Variants in LPP observed in about 807,000 individuals in gnomAD.
LPP encodes lipoma-preferred partner.
Under a neutral mutation model 60.4 loss-of-function variants are expected in LPP, and 38 were observed. The ratio of observed to expected loss-of-function variants is 0.63; its 90% CI spans 0.49 to 0.83. The LOEUF is 0.83. Ranked by LOEUF, LPP falls within the 40% of genes least tolerant of loss-of-function variation. The pLI, the probability that LPP is intolerant of heterozygous loss-of-function variation, is 0.00. For missense variants in LPP, 902 were observed against 783.6 expected (o/e 1.15, Z -1.80); for synonymous variants, 328 against 290.8 (o/e 1.13, Z -1.30).
chr3:188,344,290 A>G (rs1041379549), intron 3 of LPP, among the ~76,000 whole-genome samples: 68 of 152,350 alleles, frequency 4.5e-4, no homozygotes, highest in Non-Finnish European at 3.8e-4. Flanking sequence ...AAATAAAATT[A>G]ATCAGTTACC....
intron 9 of LPP, among the ~76,000 whole-genome samples, chr3:188,832,748 C>T (rs1757433914): frequency 6.6e-6 from 1 of 152,174 alleles, no homozygotes; most frequent in Non-Finnish European, 1.5e-5. Flanking sequence ...ACAGGGCAAC[C>T]ATGTGTGTAT....
At chr3:188,755,709 C>T (rs1261310329) in intron 8 of LPP, among the ~76,000 whole-genome samples, 1 of 150,854 alleles carries the variant, frequency 6.6e-6, no homozygotes, top group African/African-American at 2.4e-5. Flanking sequence ...GTGGCAAGGG[C>T]TGAGGGAGGA....
At chr3:188,684,767 A>G (rs1860304073) in intron 7 of LPP, among the ~76,000 whole-genome samples, 2 of 151,898 alleles carry the variant, frequency 1.3e-5, no homozygotes, top group South Asian at 4.1e-4. Flanking sequence ...TCTTTTTACT[A>G]GTTCTCTCCC....
At chr3:188,211,100 C>T in intron 1 of LPP, among the ~76,000 whole-genome samples, 1 of 152,038 alleles carries the variant, frequency 6.6e-6, no homozygotes, top group Non-Finnish European at 1.5e-5. Context: ...GTGTAATGAC[C>T]CTTTGGATAG....
chr3:188,428,743 G>A (rs990494511), intron 4 of LPP, among the ~76,000 whole-genome samples: 22 of 152,036 alleles, frequency 1.4e-4, no homozygotes, highest in Admixed American at 3.3e-4. Flanking sequence ...AACGCTTTCT[G>A]TCTTAAGGAA....
chr3:188,422,913 T>TG (rs1553893973), intron 4 of LPP, among the ~76,000 whole-genome samples: 21,644 of 133,754 alleles, frequency 0.16, 1,728 homozygotes, highest in Non-Finnish European at 0.2. Flanking sequence ...GGTGTCTTCT[T>TG]TGTGTGTGTG....
intron 2 of LPP, among the ~76,000 whole-genome samples, chr3:188,226,514 A>G (rs534213225): frequency 4.6e-5 from 7 of 152,316 alleles, no homozygotes; most frequent in African/African-American, 1.7e-4. Context: ...TAATGGGTAG[A>G]GTAGAACATT....
At chr3:188,271,890 G>A (rs1190168520) in intron 2 of LPP, among the ~76,000 whole-genome samples, 1 of 152,164 alleles carries the variant, frequency 6.6e-6, no homozygotes, top group East Asian at 1.9e-4. Flanking sequence ...GAAGGCCATA[G>A]TGGTTTAAGA....
intron 7 of LPP, among the ~76,000 whole-genome samples, chr3:188,617,274 T>C (rs995451405): frequency 2.0e-5 from 3 of 152,060 alleles, no homozygotes; most frequent in African/African-American, 4.8e-5. Context: ...GCCTGAAGAG[T>C]TACAGTGACT....
At chr3:188,338,476 T>A in intron 2 of LPP, among the ~76,000 whole-genome samples, 1 of 152,240 alleles carries the variant, frequency 6.6e-6, no homozygotes, top group Non-Finnish European at 1.5e-5. Context: ...ATGAAACTTA[T>A]GAAAATGACC....
chr3:188,297,902 G>A (rs1016821373), intron 2 of LPP, among the ~76,000 whole-genome samples: 2 of 152,198 alleles, frequency 1.3e-5, no homozygotes, highest in Non-Finnish European at 2.9e-5. Flanking sequence ...TAGAAATGTA[G>A]TAGCCATGAT....
Position 188,525,274 on chromosome 3 carries a change from T to C in LPP, c.429+487T>C, listed in dbSNP as rs533988984. 4.6e-5 allele frequency among the ~76,000 whole-genome samples: 7 copies of C among 152,290 alleles called. No individual in the cohort carries two copies. The East Asian group carries it at 1.4e-3, about 29-fold the overall frequency. ...GCCACCATGCCCGGCCCTTTTATTCTTTCTTGATCTTCTTAGAGTCAATGA... is the reference window on the plus strand; with the variant it reads ...GCCACCATGCCCGGCCCTTTTATTCCTTCTTGATCTTCTTAGAGTCAATGA... On this transcript the variant is annotated intron_variant, in intron 6 of 11. Transcript: ENST00000617246.
intron 8 of LPP, among the ~76,000 whole-genome samples, chr3:188,749,346 G>A (rs1178070800): frequency 6.6e-6 from 1 of 152,146 alleles, no homozygotes; most frequent in Non-Finnish European, 1.5e-5. Context: ...CTTAATCAAT[G>A]AATTGCCTCT....
At chr3:188,482,242 T>G (rs1804998713) in intron 4 of LPP, among the ~76,000 whole-genome samples, 1 of 152,208 alleles carries the variant, frequency 6.6e-6, no homozygotes, top group South Asian at 2.1e-4. Context: ...CTCTTCTTCT[T>G]TATAAATTGC....
chr3:188,851,058 A>G (rs1456227842), intron 9 of LPP, among the ~76,000 whole-genome samples: 2 of 152,226 alleles, frequency 1.3e-5, no homozygotes, highest in Non-Finnish European at 2.9e-5. Context: ...GAAAGCTCTA[A>G]CAATTAGACC....
chr3:188,201,654 G>A (rs564157512), intron 1 of LPP, among the ~76,000 whole-genome samples: 7 of 152,090 alleles, frequency 4.6e-5, no homozygotes, highest in Non-Finnish European at 7.4e-5. Context: ...TTGCAGTGAG[G>A]TGAGATCATA....
Position 188,532,991 on chromosome 3 carries a change from G to A in LPP, c.429+8204G>A, listed in dbSNP as rs563108713. Among the ~76,000 whole-genome samples the A allele has an allele frequency of 1.4e-4, 22 of 152,304 alleles. No homozygotes were observed. The South Asian group carries it at 4.3e-3, about 30-fold the overall frequency. Reference sequence around the variant, plus strand: ...TGGAAACTGAGTACTGAAATGCTGTGTGGTCATATGGACACATCGTTAGCT... The same window carrying A: ...TGGAAACTGAGTACTGAAATGCTGTATGGTCATATGGACACATCGTTAGCT... On this transcript the variant is annotated intron_variant, in intron 6 of 11. Coordinates refer to ENST00000617246, the MANE Select transcript of LPP (RefSeq NM_001375462.1).
intron 8 of LPP, among the ~76,000 whole-genome samples, chr3:188,721,310 G>T (rs923623060): frequency 6.6e-6 from 1 of 152,006 alleles, no homozygotes. Context: ...CAACACTTTG[G>T]GAGGCCGAGG....
At chr3:188,586,858 G>A (rs1435871596) in intron 6 of LPP, among the ~76,000 whole-genome samples, 3 of 151,798 alleles carry the variant, frequency 2.0e-5, no homozygotes, top group Non-Finnish European at 4.4e-5. Flanking sequence ...CTCCCGAGTA[G>A]CTGGGACTAC....
Sources: allele counts gnomAD v4.1 joint callset (sites outside exome capture counted in the v4.1 genomes callset), GRCh38; gene constraint gnomAD v4.1.1; transcripts MANE v1.5; gene names NCBI Gene and HGNC (gene_info 2026-07-23, HGNC 2026-07-21).